ZBTB14: variants seen among roughly 807,000 people sequenced by gnomAD.
ZBTB14 encodes the protein zinc finger and BTB domain-containing protein 14.
ZBTB14 carries 8 observed loss-of-function variants against 29.5 expected under a neutral mutation model. The ratio of observed to expected loss-of-function variants is 0.27; its 90% CI spans 0.16 to 0.49. The LOEUF is 0.49. Ranked by LOEUF, ZBTB14 falls within the 20% of genes least tolerant of loss-of-function variation. The pLI, the probability that ZBTB14 is intolerant of heterozygous loss-of-function variation, is 0.99. For synonymous variants in ZBTB14, 226 were observed against 207.2 expected (o/e 1.09, Z -0.78); for missense variants, 333 against 563.8 (o/e 0.59, Z 4.15).
chr18:5,290,212 C>T lies in ZBTB14; in HGVS notation c.*646G>A, dbSNP rs1352656508. On this transcript the variant is annotated 3_prime_UTR_variant, in exon 4 of 4. Coordinates refer to ENST00000651870, the MANE Select transcript of ZBTB14 (RefSeq NM_001243702.2). ...TGGCCTTTAGGATGTGTGACTACAG[C>T]TTTTGGGTAGGTACAGGGCAATCAA... 1 of 152,162 alleles carries T rather than the reference C, an allele frequency of 6.6e-6. No homozygotes were observed. The highest frequency in any genetic ancestry group is 1.5e-5 in the Non-Finnish European group (1 of 68,046). 9.4% of individuals were successfully genotyped at this position (152,162 alleles called of 1,614,324 possible). A position where few individuals can be genotyped will look rare whatever the true frequency, so the allele number is the denominator to read the frequency against.
At position 5,291,731 on chromosome 18, in the gene ZBTB14, C is replaced by T. The variant is rs149549029; in HGVS notation, c.477G>A (p.Gln159=). ...NRPIGDAADT[Q]DDDVEEIGDQ... Reference sequence around the variant, plus strand: ...CCCCGATTTCCTCTACATCATCATCCTGGGTGTCAGCAGCATCTCCAATGG... The same window carrying T: ...CCCCGATTTCCTCTACATCATCATCTTGGGTGTCAGCAGCATCTCCAATGG... Residue 159 remains glutamine (Q), a synonymous_variant, in exon 4 of 4, where the codon CAG becomes CAA. Coordinates refer to ENST00000651870, the MANE Select transcript of ZBTB14 (RefSeq NM_001243702.2). The surrounding 1 kb of genome is among the most constrained non-coding windows in gnomAD (Gnocchi z 5.8). 11 of 1,613,988 alleles carry T rather than the reference C, an allele frequency of 6.8e-6. No individual in the cohort carries two copies. Among genetic ancestry groups the T allele is most frequent in the Non-Finnish European group, 9.3e-6 (11 of 1,180,022 alleles).
intron 1 of ZBTB14, among the ~76,000 whole-genome samples, chr18:5,295,380 G>C (rs2071930011): frequency 6.9e-6 from 1 of 144,940 alleles, no homozygotes; most frequent in Admixed American, 6.8e-5. Context: ...TCCGCCGGCG[G>C]CTGTAGGCGG....
intron 3 of ZBTB14, among the ~76,000 whole-genome samples, chr18:5,292,916 G>A (rs2071849504): frequency 1.3e-5 from 2 of 152,188 alleles, no homozygotes; most frequent in African/African-American, 4.8e-5. Flanking sequence ...CATTTGGGAA[G>A]TGGCTTTGTT....
intron 1 of ZBTB14, chr18:5,294,699 T>G (rs2071902157): frequency 6.6e-6 from 1 of 152,328 alleles, no homozygotes; most frequent in South Asian, 2.1e-4. Context: ...AACACCACCT[T>G]CATAATAAGG....
chr18:5,289,921 T>A lies in ZBTB14; in HGVS notation c.*937A>T, dbSNP rs1340224644. 6.6e-6 allele frequency: 1 copy of A among 152,308 alleles called. No homozygotes were observed. The highest frequency in any genetic ancestry group is 2.4e-5 in the African/African-American group (1 of 41,464). The allele number at this position is 152,308 out of a possible 1,614,324, so 9.4% of individuals were successfully genotyped here. The stretch of plus-strand genomic sequence containing the variant: ...CAAAGCTTGATGACATTCTGTAAAG[T>A]TACACAAATGTATCTGAAGAAGTTA... On this transcript the variant is annotated 3_prime_UTR_variant, in exon 4 of 4. Transcript: ENST00000651870.
upstream of ZBTB14, among the ~76,000 whole-genome samples, chr18:5,296,359 C>G (rs1260775659): frequency 6.7e-6 from 1 of 150,300 alleles, no homozygotes; most frequent in Non-Finnish European, 1.5e-5. Flanking sequence ...CGCCCCGCCT[C>G]AAGCTCCCTC....
chr18:5,292,629 TAACTC>T (rs2071842558), intron 3 of ZBTB14, among the ~76,000 whole-genome samples: 1 of 152,320 alleles, frequency 6.6e-6, no homozygotes, highest in South Asian at 2.1e-4. Flanking sequence ...GATAATCAAA[TAACTC>T]AAACTCAAGT....
chr18:5,295,463 A>AC (rs1343548872), intron 1 of ZBTB14, among the ~76,000 whole-genome samples, 189 bp downstream of exon 1: 2 of 141,366 alleles, frequency 1.4e-5, no homozygotes, highest in Non-Finnish European at 3.1e-5. Context: ...GGCCGTCCCC[A>AC]CCCCCACCGC....
At chr18:5,293,108 T>C (rs991261072) in intron 3 of ZBTB14, 136 bp downstream of exon 3, 5 of 979,994 alleles carry the variant, frequency 5.1e-6, no homozygotes, top group Non-Finnish European at 7.3e-6. Flanking sequence ...TTTAAAAACA[T>C]TGTTTTACTT....
intron 1 of ZBTB14, chr18:5,294,673 G>C (rs1037156928): frequency 1.3e-5 from 2 of 152,320 alleles, no homozygotes; most frequent in African/African-American, 4.8e-5. Flanking sequence ...GCAGGTGTAG[G>C]AAAAGACGTA....
Position 5,291,613 on chromosome 18 carries a change from C to G in ZBTB14, c.595G>C (p.Glu199Gln). 6.2e-7 allele frequency: 1 copy of G among 1,613,860 alleles called. No individual in the cohort carries two copies. The highest frequency in any genetic ancestry group is 8.5e-7 in the Non-Finnish European group (1 of 1,180,016). The change falls in exon 4 of 4, where the codon GAA (glutamate) becomes CAA (glutamine). Residue 199 changes from glutamate to glutamine, a missense_variant. By Grantham distance (29) the Glu-to-Gln change is conservative. Coordinates refer to ENST00000651870, the MANE Select transcript of ZBTB14 (RefSeq NM_001243702.2). This position sits in a 1 kb window ranked among gnomAD's most constrained non-coding sequence, Gnocchi z 5.8. ...KSPTTTLRVQEAILKELGSEE... is the reference protein window; with the variant it reads ...KSPTTTLRVQQAILKELGSEE... Reference sequence around the variant, plus strand: ...CTCCCCAGCTCTTTCAGGATCGCTTCCTGAACCCTGAGCGTTGTGGTGGGC... The same window carrying G: ...CTCCCCAGCTCTTTCAGGATCGCTTGCTGAACCCTGAGCGTTGTGGTGGGC...
rs1370507065 is a variant in ZBTB14 at position 5,289,503 on chromosome 18, C to G, written c.*1355G>C. On this transcript the variant is annotated 3_prime_UTR_variant, in exon 4 of 4. Coordinates refer to ENST00000651870, the MANE Select transcript of ZBTB14 (RefSeq NM_001243702.2). Reference sequence around the variant, plus strand: ...TTGACTAATACTTTTTTACAGAACACAATTCAAACTATTGTTGGCATTTCA... The same window carrying G: ...TTGACTAATACTTTTTTACAGAACAGAATTCAAACTATTGTTGGCATTTCA... 1.3e-5 allele frequency: 2 copies of G among 152,104 alleles called. No individual in the cohort carries two copies. Among genetic ancestry groups the G allele is most frequent in the Non-Finnish European group, 2.9e-5 (2 of 68,008 alleles). 9.4% of individuals were successfully genotyped at this position (152,104 alleles called of 1,614,324 possible). A position where few individuals can be genotyped will look rare whatever the true frequency, so the allele number is the denominator to read the frequency against.
At position 5,290,866 on chromosome 18, in the gene ZBTB14, A is replaced by G; in HGVS notation, c.1342T>C (p.Cys448Arg). Reference sequence around the variant, plus strand: ...TCCCTGTCCCACCGCCTCTAGCTACAGGCTATCGTCTCCAGCTGCTGTTCT... The same window carrying G: ...TCCCTGTCCCACCGCCTCTAGCTACGGGCTATCGTCTCCAGCTGCTGTTCT... Reference protein sequence around the residue: ...EAEQQLETIACS With the variant: ...EAEQQLETIARS Residue 448 changes from cysteine to arginine, a missense_variant, in exon 4 of 4, where the codon TGT becomes CGT. Cys to Arg is a radical substitution (Grantham distance 180). Around this residue, in one of 3 missense-constraint regions of ZBTB14, gnomAD observed 140 missense variants for 274.6 expected, o/e 0.51. Coordinates refer to ENST00000651870, the MANE Select transcript of ZBTB14 (RefSeq NM_001243702.2). 1 of 1,613,544 alleles carries G rather than the reference A, an allele frequency of 6.2e-7. No homozygotes were observed. Among genetic ancestry groups the G allele is most frequent in the Non-Finnish European group, 8.5e-7 (1 of 1,179,560 alleles).
chr18:5,296,176 A>T (rs914087118), upstream of ZBTB14: 2 of 150,316 alleles, frequency 1.3e-5, no homozygotes, highest in African/African-American at 4.9e-5. Context: ...GCCCTTGCCG[A>T]CGCTTTCGTT....
Position 5,293,328 on chromosome 18 carries a change from C to A in ZBTB14, c.-81-1G>T. ...AACTCTGATCAGGAGCACGCCAGAC[C>A]TACAGAGGAAAGGATAAACAAGAAT... On this transcript the variant is annotated splice_acceptor_variant, in intron 2 of 3. Transcript: ENST00000651870. LOFTEE classifies it low-confidence loss of function (5UTR_SPLICE). 3 of 1,426,016 alleles carry A rather than the reference C, an allele frequency of 2.1e-6. No homozygotes were observed. Among genetic ancestry groups the A allele is most frequent in the East Asian group, 4.6e-5 (2 of 43,400 alleles). 88.3% of individuals were successfully genotyped at this position (1,426,016 alleles called of 1,614,324 possible). A position where few individuals can be genotyped will look rare whatever the true frequency, so the allele number is the denominator to read the frequency against.
chr18:5,296,490 G>A (rs1403877604), upstream of ZBTB14, among the ~76,000 whole-genome samples: 3 of 151,082 alleles, frequency 2.0e-5, no homozygotes, highest in East Asian at 5.9e-4. Flanking sequence ...GCGCGCGCAG[G>A]CCGGGCGCTG....
intron 1 of ZBTB14, 110 bp from the exon 2 acceptor site, chr18:5,294,111 C>G (rs2071883869): frequency 1.3e-5 from 2 of 152,226 alleles, no homozygotes; most frequent in African/African-American, 2.4e-5. Context: ...AACCATGGAA[C>G]AAGACTCCAA....
chr18:5,293,281 GCCAAAATCTTCAGA>G lies in ZBTB14; in HGVS notation c.-49_-36del. On this transcript the variant is annotated 5_prime_UTR_variant, in exon 3 of 4. It introduces an in-frame stop codon into an upstream open reading frame of the 5' UTR. Transcript: ENST00000651870. ...AGGCTATTATCTTAATGCCTTGAACGCCAAAATCTTCAGATCAGAGTAACTCTGATCAGGAGCAC... is the reference window on the plus strand; with the variant it reads ...AGGCTATTATCTTAATGCCTTGAACGTCAGAGTAACTCTGATCAGGAGCAC... 6.2e-7 allele frequency: 1 copy of G among 1,611,934 alleles called. No homozygotes were observed. Among genetic ancestry groups the G allele is most frequent in the Non-Finnish European group, 8.5e-7 (1 of 1,178,868 alleles).
chr18:5,295,462 C>T (rs2071933403), intron 1 of ZBTB14, among the ~76,000 whole-genome samples, 190 bp downstream of exon 1: 2 of 145,300 alleles, frequency 1.4e-5, no homozygotes, highest in African/African-American at 2.5e-5. Context: ...GGGCCGTCCC[C>T]ACCCCCACCG....
Sources: allele counts gnomAD v4.1 joint callset (sites outside exome capture counted in the v4.1 genomes callset), GRCh38; gene constraint gnomAD v4.1.1; regional missense constraint gnomAD v4.1.1; non-coding constraint Gnocchi (gnomAD v3.1); transcripts MANE v1.5; gene names NCBI Gene and HGNC (gene_info 2026-07-23, HGNC 2026-07-21).